Variants in PALM2AKAP2 observed in about 807,000 individuals in gnomAD.
PALM2AKAP2 encodes PALM2 and AKAP2 fusion.
A neutral mutation model predicts 71.5 loss-of-function variants in PALM2AKAP2; 37 were observed. The ratio of observed to expected loss-of-function variants is 0.52; its 90% CI spans 0.40 to 0.68. The LOEUF is 0.68. Among genes scored for constraint, PALM2AKAP2 ranks in the 30% least tolerant of loss-of-function variants. PALM2AKAP2 has a pLI of 0.00. For synonymous variants in PALM2AKAP2, 468 were observed against 478.8 expected, an observed-to-expected ratio of 0.98 and a Z score of 0.29; for missense variants, 1,224 against 1,191.8, an observed-to-expected ratio of 1.03 and a Z score of -0.40.
chr9:109,771,876 G>T (rs969622897), intron 1 of PALM2AKAP2: 19 of 152,228 alleles, frequency 1.2e-4, no homozygotes, highest in African/African-American at 4.3e-4. Context: ...GACCCAGAAG[G>T]TGGAATGCAA....
chr9:110,149,001 G>A (rs2119175869), intron 2 of PALM2AKAP2, among the ~76,000 whole-genome samples: 1 of 152,286 alleles, frequency 6.6e-6, no homozygotes, highest in Non-Finnish European at 1.5e-5. Context: ...TTCTTTGGGT[G>A]GGAGGAATTG....
chr9:109,830,139 G>A lies in PALM2AKAP2; in HGVS notation c.46-37352G>A, dbSNP rs956936619. ...GATGGTCAAAAGAAGTGACGACCTA[G>A]TCCTTAGTAGGAGAAAAATGTGCCT... On this transcript the variant is annotated intron_variant, in intron 1 of 9. Transcript: ENST00000302798. Among the ~76,000 whole-genome samples the A allele has an allele frequency of 3.3e-5, 5 of 152,202 alleles. No homozygotes were observed. The South Asian group carries it at 1.0e-3, about 32-fold the overall frequency.
chr9:110,073,661 C>G (rs995935118), intron 1 of PALM2AKAP2, among the ~76,000 whole-genome samples: 2 of 152,172 alleles, frequency 1.3e-5, no homozygotes, highest in African/African-American at 4.8e-5. Flanking sequence ...ACTTCTGTGA[C>G]TTTTGCAGAT....
chr9:109,991,859 A>G (rs1320953428), intron 6 of PALM2AKAP2, among the ~76,000 whole-genome samples: 5 of 152,194 alleles, frequency 3.3e-5, no homozygotes, highest in South Asian at 4.1e-4. Flanking sequence ...GCTGTTTTGT[A>G]GAGGAAGAAT....
chr9:109,890,037 C>T (rs1336546620), intron 3 of PALM2AKAP2, among the ~76,000 whole-genome samples: 1 of 152,226 alleles, frequency 6.6e-6, no homozygotes, highest in African/African-American at 2.4e-5. Flanking sequence ...TTTTAGGTCA[C>T]CTTGCATAGC....
At chr9:109,814,644 C>T (rs1168344817) in intron 1 of PALM2AKAP2, among the ~76,000 whole-genome samples, 1 of 152,138 alleles carries the variant, frequency 6.6e-6, no homozygotes, top group Non-Finnish European at 1.5e-5. Flanking sequence ...TGGTGTGGGA[C>T]AATAAGTACT....
exon 2 of PALM2AKAP2, chr9:110,137,279 A>C (rs192136294): frequency 6.2e-7 from 1 of 1,614,246 alleles, no homozygotes; most frequent in East Asian, 2.2e-5. Flanking sequence ...GAGTACACCC[A>C]GGCTGTTCTC....
chr9:109,829,521 G>C (rs1159423526), intron 1 of PALM2AKAP2, among the ~76,000 whole-genome samples: 3 of 152,016 alleles, frequency 2.0e-5, no homozygotes, highest in African/African-American at 7.2e-5. Flanking sequence ...ATTATGAATA[G>C]AGGATAAAAA....
At chr9:110,025,330 C>G in intron 7 of PALM2AKAP2, 1 of 1,189,846 alleles carries the variant, frequency 8.4e-7, no homozygotes, top group Non-Finnish European at 1.2e-6. Context: ...ATGTCGGGAG[C>G]CTCTCCTCTT....
chr9:109,854,602 C>T (rs889359988), intron 1 of PALM2AKAP2, among the ~76,000 whole-genome samples: 5 of 152,068 alleles, frequency 3.3e-5, no homozygotes, highest in African/African-American at 9.7e-5. Flanking sequence ...ATCCTACCAT[C>T]TAGATACAAC....
chr9:109,674,037 T>G (rs1047176549), intron 1 of PALM2AKAP2, among the ~76,000 whole-genome samples: 1 of 152,084 alleles, frequency 6.6e-6, no homozygotes, highest in African/African-American at 2.4e-5. Flanking sequence ...CCAATGGGTC[T>G]TTCATTTTGA....
chr9:110,012,796 A>G (rs1036996204), intron 6 of PALM2AKAP2, among the ~76,000 whole-genome samples: 6 of 152,234 alleles, frequency 3.9e-5, no homozygotes, highest in Non-Finnish European at 8.8e-5. Flanking sequence ...AGTGTTGCTT[A>G]CAAAAGGAAT....
chr9:109,710,917 A>C (rs1351313024), intron 1 of PALM2AKAP2, among the ~76,000 whole-genome samples: 1 of 152,178 alleles, frequency 6.6e-6, no homozygotes, highest in East Asian at 1.9e-4. Context: ...CAGGAGCTAC[A>C]GTTTATAAAT....
exon 2 of PALM2AKAP2, chr9:110,137,042 A>G (rs1202820591): frequency 6.2e-7 from 1 of 1,614,020 alleles, no homozygotes; most frequent in African/African-American, 1.3e-5. Context: ...CAAGGAGCGC[A>G]AAGAGAGAAG....
chr9:109,874,577 C>T (rs1441828799), intron 2 of PALM2AKAP2, among the ~76,000 whole-genome samples: 1 of 152,182 alleles, frequency 6.6e-6, no homozygotes, highest in Non-Finnish European at 1.5e-5. Context: ...GCTGCAAATA[C>T]CATTTATGTA....
At chr9:109,772,476 C>A (rs375504004) in intron 1 of PALM2AKAP2, among the ~76,000 whole-genome samples, 1 of 152,254 alleles carries the variant, frequency 6.6e-6, no homozygotes, top group Non-Finnish European at 1.5e-5. Context: ...GTTTGGCACA[C>A]ACACACAACT....
chr9:110,138,166 T>G lies in PALM2AKAP2; in HGVS notation c.2196T>G (p.Ile732Met). The change falls in exon 2 of 4, where the codon ATT becomes ATG. Residue 732 changes from isoleucine (I) to methionine (M), a missense_variant. Ile to Met is a conservative substitution (Grantham distance 10). Transcript: ENST00000374525. ...AGAAAAGGGATGTATTACCAAAGAT[T>G]CTGCCTGCTGAAGACAGGGCGCTCA... 4 of 1,614,006 alleles carry G rather than the reference T, an allele frequency of 2.5e-6. 1 individual carries two copies. The South Asian group carries it at 3.3e-5, about 13-fold the overall frequency.
intron 1 of PALM2AKAP2, among the ~76,000 whole-genome samples, chr9:109,809,545 G>C (rs981566472): frequency 1.3e-5 from 2 of 152,194 alleles, no homozygotes; most frequent in African/African-American, 4.8e-5. Flanking sequence ...TGATTTTACA[G>C]GTTCATAGGT....
chr9:109,927,039 G>A (rs1331701666), intron 5 of PALM2AKAP2, among the ~76,000 whole-genome samples: 1 of 152,164 alleles, frequency 6.6e-6, no homozygotes, highest in Non-Finnish European at 1.5e-5. Flanking sequence ...GGGGAGCTCA[G>A]GCTTAAGAGG....
Sources: gnomAD v4.1 joint callset for allele counts (sites outside exome capture counted in the v4.1 genomes callset) on GRCh38, gnomAD v4.1.1 for gene constraint, MANE v1.5 for transcripts, NCBI Gene and HGNC (gene_info 2026-07-23, HGNC 2026-07-21) for gene names.